Variants in POFUT3 observed in about 807,000 individuals in gnomAD.
POFUT3 encodes the protein protein O-fucosyltransferase 3.
At chr8:33,472,640 G>C in the POFUT3 span, among the ~76,000 whole-genome samples, 1 of 152,174 alleles carries the variant, frequency 6.6e-6, no homozygotes, top group Non-Finnish European at 1.5e-5. Flanking sequence ...GGGAGAACAA[G>C]GCAATTCGCG....
chr8:33,423,818 T>TGAA, the POFUT3 span, among the ~76,000 whole-genome samples: 1 of 70,136 alleles, frequency 1.4e-5, no homozygotes, highest in Non-Finnish European at 2.5e-5. Context: ...GCACACCAAG[T>TGAA]AAAAAAAAAA....
chr8:33,345,644 G>T, the POFUT3 span, among the ~76,000 whole-genome samples: 1 of 151,446 alleles, frequency 6.6e-6, no homozygotes, highest in Non-Finnish European at 1.5e-5. Flanking sequence ...CAAGTGATCC[G>T]CCCACGTAGG....
At chr8:33,467,497 A>G in the POFUT3 span, among the ~76,000 whole-genome samples, 1 of 152,040 alleles carries the variant, frequency 6.6e-6, no homozygotes, top group African/African-American at 2.4e-5. Flanking sequence ...GGACAGAACA[A>G]TATGTATATT....
the POFUT3 span, among the ~76,000 whole-genome samples, chr8:33,414,495 T>C: frequency 3.9e-5 from 6 of 152,294 alleles, no homozygotes; most frequent in Admixed American, 2.0e-4. Context: ...ATATCTATTA[T>C]AGCAGCCCAA....
At chr8:33,356,547 G>C in the POFUT3 span, among the ~76,000 whole-genome samples, 1 of 151,936 alleles carries the variant, frequency 6.6e-6, no homozygotes, top group Non-Finnish European at 1.5e-5. Flanking sequence ...ATTTGTTGGA[G>C]TTCATTGTAG....
chr8:33,453,130 C>T, the POFUT3 span: 1 of 1,344,424 alleles, frequency 7.4e-7, no homozygotes, highest in Non-Finnish European at 1.1e-6. Flanking sequence ...AGGGGAGCTC[C>T]ACCATCACTT....
chr8:33,428,244 G>A, the POFUT3 span, among the ~76,000 whole-genome samples: 2 of 152,166 alleles, frequency 1.3e-5, no homozygotes. Flanking sequence ...GGAGTGTCAA[G>A]GCTCCTGACC....
chr8:33,441,531 C>T, the POFUT3 span, among the ~76,000 whole-genome samples: 1 of 151,786 alleles, frequency 6.6e-6, no homozygotes, highest in Non-Finnish European at 1.5e-5. Flanking sequence ...TAGGTGTGCA[C>T]CACCATGCCC....
At chr8:33,323,623 A>G in the POFUT3 span, among the ~76,000 whole-genome samples, 1 of 152,190 alleles carries the variant, frequency 6.6e-6, no homozygotes, top group Admixed American at 6.5e-5. Flanking sequence ...GTTTCACTGT[A>G]GACTTACTCC....
At chr8:33,318,582 TATATATATTTATATA>T in the POFUT3 span, among the ~76,000 whole-genome samples, 1 of 85,992 alleles carries the variant, frequency 1.2e-5, no homozygotes, top group African/African-American at 5.7e-5. Flanking sequence ...AAATATATTG[TATATATATTTATATA>T]ATATATAAAT....
the POFUT3 span, among the ~76,000 whole-genome samples, chr8:33,327,044 CT>C: frequency 4.9e-4 from 75 of 152,186 alleles, no homozygotes; most frequent in African/African-American, 1.7e-3. Flanking sequence ...TCCCAAAGTG[CT>C]GGGATTACAG....
At chr8:33,420,821 A>C in the POFUT3 span, among the ~76,000 whole-genome samples, 2 of 152,238 alleles carry the variant, frequency 1.3e-5, no homozygotes, top group East Asian at 3.9e-4. Context: ...ATACAAAAAA[A>C]AAAGATAGAT....
At chr8:33,461,361 A>T in the POFUT3 span, 1 of 1,602,274 alleles carries the variant, frequency 6.2e-7, no homozygotes, top group Non-Finnish European at 8.5e-7. Flanking sequence ...CACAACCCAC[A>T]TTCTTGGTAC....
chr8:33,414,730 C>T, the POFUT3 span, among the ~76,000 whole-genome samples: 1 of 152,038 alleles, frequency 6.6e-6, no homozygotes, highest in Non-Finnish European at 1.5e-5. Flanking sequence ...TCTAATCTCC[C>T]TTAATTTTGT....
At chr8:33,446,594 G>T in the POFUT3 span, among the ~76,000 whole-genome samples, 1 of 152,050 alleles carries the variant, frequency 6.6e-6, no homozygotes, top group Non-Finnish European at 1.5e-5. Flanking sequence ...TTTCTTGGAT[G>T]GTCCATTGCT....
the POFUT3 span, among the ~76,000 whole-genome samples, chr8:33,459,291 A>G: frequency 6.6e-6 from 1 of 152,058 alleles, no homozygotes; most frequent in Non-Finnish European, 1.5e-5. Context: ...AGTGAGCCGA[A>G]ATCACGCCAT....
chr8:33,371,797 C>G, the POFUT3 span: 1 of 152,248 alleles, frequency 6.6e-6, no homozygotes, highest in Non-Finnish European at 1.5e-5. Context: ...TGGGGGTATT[C>G]ACTTCTACTC....
chr8:33,433,005 A>G, the POFUT3 span, among the ~76,000 whole-genome samples: 89,576 of 151,922 alleles, frequency 0.59, 26,701 homozygotes, highest in African/African-American at 0.64. Flanking sequence ...AGGCCGAGGC[A>G]AGTAGAACAC....
At chr8:33,332,545 G>C in the POFUT3 span, among the ~76,000 whole-genome samples, 1 of 151,614 alleles carries the variant, frequency 6.6e-6, no homozygotes, top group Non-Finnish European at 1.5e-5. Context: ...GAGGGAGGGA[G>C]GGTAGTTGGT....
Sources: gnomAD v4.1 joint callset for allele counts (sites outside exome capture counted in the v4.1 genomes callset) on GRCh38, gnomAD v4.1.1 for gene constraint, MANE v1.5 for transcripts, NCBI Gene and HGNC (gene_info 2026-07-23, HGNC 2026-07-21) for gene names.